The following DCHS2 variants were observed in gnomAD, a reference collection of about 807,000 sequenced individuals.
DCHS2 encodes dachsous cadherin-related 2, also known as protocadherin-23.
DCHS2 carries 142 observed loss-of-function variants against 182.4 expected under a neutral mutation model. The observed-to-expected ratio is 0.78, with a 90% CI of 0.68 to 0.89. DCHS2 has a LOEUF of 0.89. DCHS2 is among the 40% of genes least tolerant of loss of function. The pLI is 0.00. For missense variants in DCHS2, 4,319 were observed against 4,198.6 expected (o/e 1.03, Z -0.79); for synonymous variants, 1,740 against 1,663.3 (o/e 1.05, Z -1.12).
At chr4:154,292,254 G>T (rs1734702415) in intron 13 of DCHS2, among the ~76,000 whole-genome samples, 1 of 152,144 alleles carries the variant, frequency 6.6e-6, no homozygotes, top group Admixed American at 6.5e-5. Flanking sequence ...ATTCTTCAGG[G>T]TTCTTCAAGC....
At chr4:154,400,958 C>G (rs76289247) in intron 1 of DCHS2, among the ~76,000 whole-genome samples, 1,574 of 152,242 alleles carry the variant, frequency 0.01, 21 homozygotes, top group African/African-American at 0.035. Flanking sequence ...TATGCAATGA[C>G]CCTAAGGTAT....
chr4:154,375,091 T>C (rs1036195914), intron 2 of DCHS2, among the ~76,000 whole-genome samples: 1 of 152,106 alleles, frequency 6.6e-6, no homozygotes, highest in East Asian at 1.9e-4. Flanking sequence ...GGTGGATAAA[T>C]AGGTAAAAGT....
intron 13 of DCHS2, among the ~76,000 whole-genome samples, chr4:154,275,781 C>T (rs1292155686): frequency 1.3e-5 from 2 of 151,738 alleles, no homozygotes; most frequent in Non-Finnish European, 2.9e-5. Context: ...ATTATATGCC[C>T]AATTACAAAA....
At chr4:154,292,681 C>A (rs533373310) in intron 13 of DCHS2, among the ~76,000 whole-genome samples, 22 of 152,290 alleles carry the variant, frequency 1.4e-4, no homozygotes, top group Admixed American at 5.2e-4. Context: ...GCCTTCCTTT[C>A]TCCCATGTTC....
intron 1 of DCHS2, among the ~76,000 whole-genome samples, chr4:154,438,151 T>C (rs967684250): frequency 1.3e-5 from 2 of 152,212 alleles, no homozygotes; most frequent in African/African-American, 2.4e-5. Context: ...CAGGTAAACC[T>C]AATCAAATGG....
rs1396269119 is a variant in DCHS2 at position 154,387,412 on chromosome 4, CTAA to C, written c.2053-9971_2053-9969del. Among the ~76,000 whole-genome samples, 8 of 142,604 alleles carry C rather than the reference CTAA, an allele frequency of 5.6e-5. No individual in the cohort carries two copies. The East Asian group carries it at 1.7e-3, about 31-fold the overall frequency. The allele number at this position is 142,604 out of a possible 152,430, so 93.6% of individuals were successfully genotyped here. ...AGACCTGAAACAGATCCTACTAAAA[CTAA>C]AAGTGTATATAACAAAGAAAACCAC... On this transcript the variant is annotated intron_variant, in intron 1 of 19. Transcript: ENST00000357232.
intron 1 of DCHS2, among the ~76,000 whole-genome samples, chr4:154,461,552 T>C (rs1007098260): frequency 3.3e-5 from 5 of 152,084 alleles, no homozygotes; most frequent in African/African-American, 1.2e-4. Flanking sequence ...ATATATAAAA[T>C]GGAAAAGATT....
chr4:154,245,175 T>C (rs6821649), intron 16 of DCHS2, among the ~76,000 whole-genome samples: 117,497 of 152,102 alleles, frequency 0.77, 49,026 homozygotes, highest in South Asian at 0.94. Flanking sequence ...TGTGCAGATA[T>C]TCTGTACACA....
At chr4:154,363,134 C>T (rs1292563900) in intron 3 of DCHS2, among the ~76,000 whole-genome samples, 1 of 152,006 alleles carries the variant, frequency 6.6e-6, no homozygotes, top group Non-Finnish European at 1.5e-5. Flanking sequence ...GTGTTACAGT[C>T]ATTATGGAAA....
chr4:154,399,064 C>T (rs961344677), intron 1 of DCHS2, among the ~76,000 whole-genome samples: 3 of 152,158 alleles, frequency 2.0e-5, no homozygotes, highest in African/African-American at 7.2e-5. Context: ...AAAACATCAT[C>T]TTAAGAGGAG....
In DCHS2 at chr4:154,341,918, A is replaced by AT. The variant is rs1157495979; in HGVS notation, c.2477-6815dup. On this transcript the variant is annotated intron_variant, in intron 3 of 19. Transcript: ENST00000357232. ...CCAAAAGTTTAGTCTTTTTAATTTT[A>AT]TTTTTTTAATTAAATGAAAGCATTA... Among the ~76,000 whole-genome samples, 9 of 151,722 alleles carry AT rather than the reference A, an allele frequency of 5.9e-5. No homozygotes were observed. In the South Asian group the frequency reaches 6.3e-4, roughly 11 times the overall value.
At position 154,489,413 on chromosome 4, in the gene DCHS2, A is replaced by C; in HGVS notation, c.1943T>G (p.Leu648Arg). 5 of 1,551,754 alleles carry C rather than the reference A, an allele frequency of 3.2e-6. No homozygotes were observed. Among genetic ancestry groups the C allele is most frequent in the Non-Finnish European group, 4.4e-6 (5 of 1,146,996 alleles). The change falls in exon 1 of 20, where the codon CTG becomes CGG. Residue 648 changes from leucine to arginine, a missense_variant. Leu to Arg is a moderately radical substitution (Grantham distance 102). Coordinates refer to ENST00000357232, the MANE Select transcript of DCHS2 (RefSeq NM_001358235.2). ...CACATCATCTACGGTGATGCTCACC[A>C]GGCAGGTGGCAGAGAGTGGGGGCTC... Reference protein sequence around the residue: ...LGEPPLSATCLVSITVDDVND... With the variant: ...LGEPPLSATCRVSITVDDVND...
intron 10 of DCHS2, 98 bp from the exon 11 acceptor site, chr4:154,305,329 T>C (rs1404061791): frequency 4.4e-6 from 6 of 1,365,740 alleles, no homozygotes; most frequent in Non-Finnish European, 5.8e-6. Flanking sequence ...AGGCCATAGA[T>C]GAAAATGGCA....
At chr4:154,316,125 A>C in intron 9 of DCHS2, 138 bp from the exon 10 acceptor site, 1 of 1,374,410 alleles carries the variant, frequency 7.3e-7, no homozygotes, top group Non-Finnish European at 9.6e-7. Flanking sequence ...GCATTAAATC[A>C]TCTTTAAATG....
chr4:154,420,061 G>A (rs1053880385), intron 1 of DCHS2, among the ~76,000 whole-genome samples: 3 of 152,100 alleles, frequency 2.0e-5, no homozygotes, highest in African/African-American at 7.2e-5. Flanking sequence ...GAGATTGTTA[G>A]TTTAACACAG....
chr4:154,459,763 TC>T (rs1560772288), intron 1 of DCHS2, among the ~76,000 whole-genome samples: 1 of 151,662 alleles, frequency 6.6e-6, no homozygotes, highest in Non-Finnish European at 1.5e-5. Flanking sequence ...TCTCTCTCTC[TC>T]TCTCTCTCTC....
At chr4:154,450,432 A>C (rs1734484945) in intron 1 of DCHS2, among the ~76,000 whole-genome samples, 1 of 152,200 alleles carries the variant, frequency 6.6e-6, no homozygotes, top group African/African-American at 2.4e-5. Flanking sequence ...CTTATTCTGC[A>C]CTTACTCAGT....
intron 1 of DCHS2, among the ~76,000 whole-genome samples, chr4:154,387,106 G>A (rs1397243738): frequency 2.0e-5 from 3 of 152,158 alleles, no homozygotes; most frequent in African/African-American, 7.2e-5. Flanking sequence ...TGAATAGGCT[G>A]AATACATATC....
At chr4:154,385,638 C>T (rs1731379094) in intron 1 of DCHS2, among the ~76,000 whole-genome samples, 1 of 143,282 alleles carries the variant, frequency 7.0e-6, no homozygotes, top group Admixed American at 7.5e-5. Flanking sequence ...AGGTGCAGGC[C>T]ATCATGCTCA....
Sources: gnomAD v4.1 joint callset for allele counts (sites outside exome capture counted in the v4.1 genomes callset) on GRCh38, gnomAD v4.1.1 for gene constraint, MANE v1.5 for transcripts, NCBI Gene and HGNC (gene_info 2026-07-23, HGNC 2026-07-21) for gene names.